UBXN2B: variants seen among roughly 807,000 people sequenced by gnomAD.
UBXN2B encodes UBX domain protein 2B.
A neutral mutation model predicts 37.5 loss-of-function variants in UBXN2B; 19 were observed. That is an observed-to-expected ratio of 0.51 (90% CI 0.35 to 0.74). The LOEUF (loss-of-function observed/expected upper bound fraction) is 0.74. Ranked by LOEUF, UBXN2B falls within the 30% of genes least tolerant of loss-of-function variation. The pLI is 0.01. For synonymous variants in UBXN2B, 145 were observed against 143.8 expected (o/e 1.01, Z -0.06); for missense variants, 370 against 393.2 (o/e 0.94, Z 0.50).
At chr8:58,443,487 T>C (rs866447011) in intron 6 of UBXN2B, among the ~76,000 whole-genome samples, 2 of 151,842 alleles carry the variant, frequency 1.3e-5, no homozygotes, top group Admixed American at 1.3e-4. Context: ...TTTTGACAGC[T>C]AAATATTAGA....
At chr8:58,435,172 G>T (rs1159435043) in intron 5 of UBXN2B, 24 of 1,312,854 alleles carry the variant, frequency 1.8e-5, no homozygotes, top group Non-Finnish European at 2.2e-5. Context: ...ATAAACTGGG[G>T]AATTAAGTTG....
intron 1 of UBXN2B, among the ~76,000 whole-genome samples, chr8:58,415,314 A>G (rs1051500326): frequency 6.6e-6 from 1 of 152,136 alleles, no homozygotes; most frequent in African/African-American, 2.4e-5. Context: ...CATAAAGCTG[A>G]CATAATGAGC....
intron 4 of UBXN2B, among the ~76,000 whole-genome samples, chr8:58,433,762 C>T (rs1042130946): frequency 1.3e-5 from 2 of 151,312 alleles, no homozygotes; most frequent in African/African-American, 4.9e-5. Context: ...ATAGTAAGAC[C>T]CTGGATCTTT....
At chr8:58,421,772 A>G (rs1305572832) in intron 2 of UBXN2B, among the ~76,000 whole-genome samples, 2 of 152,202 alleles carry the variant, frequency 1.3e-5, no homozygotes, top group African/African-American at 4.8e-5. Context: ...TACCAAACAC[A>G]TGATAAGCCT....
At position 58,430,651 on chromosome 8, in the gene UBXN2B, A is replaced by G. The variant is rs1390931306; in HGVS notation, c.321A>G (p.Ser107=). 2 of 1,571,220 alleles carry G rather than the reference A, an allele frequency of 1.3e-6. No individual in the cohort carries two copies. Among genetic ancestry groups the G allele is most frequent in the Non-Finnish European group, 1.7e-6 (2 of 1,158,444 alleles). Residue 107 remains serine, a synonymous_variant, in exon 3 of 8, where the codon TCA becomes TCG. Coordinates refer to ENST00000399598, the MANE Select transcript of UBXN2B (RefSeq NM_001077619.2). Reference sequence around the variant, plus strand: ...CTCTGAATGAAGCCACAAGAGCTTCAGGTGATGATAAATCTAAGGTCAGTG... The same window carrying G: ...CTCTGAATGAAGCCACAAGAGCTTCGGGTGATGATAAATCTAAGGTCAGTG... ...AVPLNEATRA[S]GDDKSKSFTG... is the part of the protein sequence containing the mutation.
intron 1 of UBXN2B, among the ~76,000 whole-genome samples, chr8:58,416,054 T>G (rs34406411): frequency 0.27 from 40,083 of 150,540 alleles, 5,765 homozygotes; most frequent in Admixed American, 0.44. Context: ...TTTTGGGTTT[T>G]TTTTGAAAAA....
chr8:58,431,172 A>G (rs889459421), intron 3 of UBXN2B, among the ~76,000 whole-genome samples: 1 of 152,124 alleles, frequency 6.6e-6, no homozygotes, highest in African/African-American at 2.4e-5. Flanking sequence ...TTTCATCTCT[A>G]TAATTTTATC....
At chr8:58,440,864 G>A (rs1406358496) in intron 6 of UBXN2B, among the ~76,000 whole-genome samples, 2 of 152,150 alleles carry the variant, frequency 1.3e-5, no homozygotes, top group Non-Finnish European at 2.9e-5. Context: ...TGGCACTGGG[G>A]ACATAAAGGA....
chr8:58,425,383 G>A (rs971212619), intron 2 of UBXN2B: 53 of 1,132,110 alleles, frequency 4.7e-5, no homozygotes, highest in Admixed American at 6.8e-5. Flanking sequence ...GCAGCCTTGT[G>A]TGGCAATGTA....
In UBXN2B at chr8:58,445,892, A is replaced by T; in HGVS notation, c.672-15A>T. 2 of 1,570,622 alleles carry T rather than the reference A, an allele frequency of 1.3e-6. No homozygotes were observed. The highest frequency in any genetic ancestry group is 1.7e-6 in the Non-Finnish European group (2 of 1,161,432). ...TTTTACACATTCAGATTTGTGTTTA[A>T]TTCCTCTTTTTTAGCCTTACACCTG... On this transcript the variant is annotated splice_polypyrimidine_tract_variant and intron_variant, in intron 6 of 7. Transcript: ENST00000399598.
intron 2 of UBXN2B, among the ~76,000 whole-genome samples, chr8:58,420,448 A>G (rs757270478): frequency 5.3e-5 from 8 of 152,232 alleles, no homozygotes; most frequent in African/African-American, 1.9e-4. Context: ...ACAGCATATT[A>G]TCAACATTTA....
At position 58,449,863 on chromosome 8, in the gene UBXN2B, G is replaced by A. The variant is rs1017317637; in HGVS notation, c.*2312G>A. On this transcript the variant is annotated 3_prime_UTR_variant, in exon 8 of 8. Transcript: ENST00000399598. Reference sequence around the variant, plus strand: ...TCTAAAGCTTTCTGTTAAAAATGGTGGTGCTTCTGCTGCTATAACGTTGTC... The same window carrying A: ...TCTAAAGCTTTCTGTTAAAAATGGTAGTGCTTCTGCTGCTATAACGTTGTC... 6 of 152,156 alleles carry A rather than the reference G, an allele frequency of 3.9e-5. No homozygotes were observed. Among genetic ancestry groups the A allele is most frequent in the African/African-American group, 1.2e-4 (5 of 41,410 alleles). The allele number at this position is 152,156 out of a possible 1,614,324, so 9.4% of individuals were successfully genotyped here. A position where few individuals can be genotyped will look rare whatever the true frequency, so the allele number is the denominator to read the frequency against.
At chr8:58,439,869 T>C (rs1033021323) in intron 6 of UBXN2B, 99 bp downstream of exon 6, 2 of 1,183,664 alleles carry the variant, frequency 1.7e-6, no homozygotes, top group South Asian at 1.7e-5. Flanking sequence ...AACAAAAATA[T>C]GAACCATGCA....
chr8:58,442,554 T>A (rs1808575313), intron 6 of UBXN2B, among the ~76,000 whole-genome samples: 1 of 152,216 alleles, frequency 6.6e-6, no homozygotes, highest in South Asian at 2.1e-4. Flanking sequence ...GGGAACTAAA[T>A]CTTTTCATGT....
chr8:58,441,236 C>G (rs907230142), intron 6 of UBXN2B, among the ~76,000 whole-genome samples: 1 of 151,304 alleles, frequency 6.6e-6, no homozygotes, highest in African/African-American at 2.4e-5. Context: ...TCAAGCTGTT[C>G]TTCTGCCTTG....
At chr8:58,425,573 C>T in intron 2 of UBXN2B, 2 of 1,065,744 alleles carry the variant, frequency 1.9e-6, no homozygotes, top group Non-Finnish European at 2.9e-6. Flanking sequence ...CTTTTACCCT[C>T]TTTTCGGCCG....
chr8:58,447,781 GT>G lies in UBXN2B; in HGVS notation c.*235del. ...GTTGAAGGACTGGCTTATGTTGATA[GT>G]TTTTGGATTTCTAGGCAAATGAGTT... is the stretch of plus-strand genomic sequence containing the variant. On this transcript the variant is annotated 3_prime_UTR_variant, in exon 8 of 8. Coordinates refer to ENST00000399598, the MANE Select transcript of UBXN2B (RefSeq NM_001077619.2). The G allele has an allele frequency of 2.9e-6, 1 of 346,476 alleles. No homozygotes were observed. Among genetic ancestry groups the G allele is most frequent in the Non-Finnish European group, 5.1e-6 (1 of 195,818 alleles). 21.5% of individuals were successfully genotyped at this position (346,476 alleles called of 1,614,324 possible). A position where few individuals can be genotyped will look rare whatever the true frequency, so the allele number is the denominator to read the frequency against.
chr8:58,433,512 C>T (rs1347372495), intron 4 of UBXN2B, among the ~76,000 whole-genome samples: 1 of 150,796 alleles, frequency 6.6e-6, no homozygotes, highest in East Asian at 2.0e-4. Context: ...TGGTGACATG[C>T]ATCTGGAGTC....
chr8:58,447,563 T>C lies in UBXN2B; in HGVS notation c.*12T>C. The C allele has an allele frequency of 6.3e-7, 1 of 1,595,848 alleles. No homozygotes were observed. The highest frequency in any genetic ancestry group is 8.6e-7 in the Non-Finnish European group (1 of 1,169,180). On this transcript the variant is annotated 3_prime_UTR_variant, in exon 8 of 8. Transcript: ENST00000399598. ...AGCAACTAAAATAATATTGTTCCTG[T>C]CCATGCAGTAGCATGTGGGAATAGA...
Sources: allele counts gnomAD v4.1 joint callset (sites outside exome capture counted in the v4.1 genomes callset), GRCh38; gene constraint gnomAD v4.1.1; transcripts MANE v1.5; gene names NCBI Gene and HGNC (gene_info 2026-07-23, HGNC 2026-07-21).